The following DGKB variants were observed in gnomAD, a reference collection of about 807,000 sequenced individuals.
DGKB encodes 90 kDa diacylglycerol kinase.
DGKB carries 67 observed loss-of-function variants against 114.3 expected under a neutral mutation model. That is an observed-to-expected ratio of 0.59 (90% confidence interval 0.48 to 0.72). DGKB has a LOEUF of 0.72. DGKB is among the 30% of genes least tolerant of loss of function. The pLI, the probability that DGKB is intolerant of heterozygous loss-of-function variation, is 0.00. For missense variants in DGKB, 907 were observed against 975.2 expected, an observed-to-expected ratio of 0.93 and a Z score of 0.93; for synonymous variants, 398 against 323.1, an observed-to-expected ratio of 1.23 and a Z score of -2.49.
chr7:14,392,995 G>GTTTTTTTGTTTTTGTTTTTTTTT (rs1554404750), intron 21 of DGKB, among the ~76,000 whole-genome samples: 1 of 60,546 alleles, frequency 1.7e-5, no homozygotes, highest in Non-Finnish European at 3.4e-5. Flanking sequence ...TTTTGTTTTT[G>GTTTTTTTGTTTTTGTTTTTTTTT]TTTTTTTTTT....
At chr7:14,637,184 C>T (rs1027268782) in intron 13 of DGKB, among the ~76,000 whole-genome samples, 1 of 151,838 alleles carries the variant, frequency 6.6e-6, no homozygotes, top group African/African-American at 2.4e-5. Flanking sequence ...CAGCATTAGT[C>T]AGAAACAATG....
In DGKB at chr7:14,585,351, A is replaced by G. The variant is rs555573208; in HGVS notation, c.1434-2214T>C. 1.2e-3 allele frequency among the ~76,000 whole-genome samples: 186 copies of G among 152,256 alleles called. 1 individual carries two copies. The highest frequency in any genetic ancestry group is 2.1e-3 in the South Asian group (10 of 4,832). On this transcript the variant is annotated intron_variant, in intron 17 of 25. Transcript: ENST00000402815. Reference sequence around the variant, plus strand: ...TTTCTCTGTTTTCTTTCCCTATAGCACTGCCCTTTCTAATTTACAAAGGTG... The same window carrying G: ...TTTCTCTGTTTTCTTTCCCTATAGCGCTGCCCTTTCTAATTTACAAAGGTG...
At position 14,227,371 on chromosome 7, in the gene DGKB, T is replaced by C. The variant is rs1302683679; in HGVS notation, c.2123-49220A>G. Among the ~76,000 whole-genome samples, 3 of 152,044 alleles carry C rather than the reference T, an allele frequency of 2.0e-5. 1 individual carries two copies. The East Asian group carries it at 5.8e-4, about 29-fold the overall frequency. ...ATGACTATAGTGGCTAATGTTTGAA[T>C]TGCAAAACATTTCCTAAATATGCAA... On this transcript the variant is annotated intron_variant, in intron 23 of 25. Transcript: ENST00000402815.
At chr7:14,826,181 C>A (rs138588377) in intron 2 of DGKB, among the ~76,000 whole-genome samples, 1 of 152,234 alleles carries the variant, frequency 6.6e-6, no homozygotes, top group Non-Finnish European at 1.5e-5. Context: ...CTTACTAACA[C>A]CTGGAAATGG....
intron 23 of DGKB, among the ~76,000 whole-genome samples, chr7:14,263,576 T>C (rs1797072274): frequency 6.6e-6 from 1 of 152,168 alleles, no homozygotes; most frequent in African/African-American, 2.4e-5. Flanking sequence ...AGTTCAGATA[T>C]TACCTTTTCC....
At chr7:14,368,691 GGA>G (rs1817119846) in intron 21 of DGKB, among the ~76,000 whole-genome samples, 3 of 151,968 alleles carry the variant, frequency 2.0e-5, no homozygotes, top group Middle Eastern at 3.4e-3. Context: ...AATACATGTG[GGA>G]GAGAGAGAAA....
chr7:14,600,125 G>T (rs1803281068), intron 17 of DGKB, among the ~76,000 whole-genome samples: 1 of 152,122 alleles, frequency 6.6e-6, no homozygotes, highest in African/African-American at 2.4e-5. Context: ...CTGCTTCAAG[G>T]ATGGCACGTT....
chr7:14,845,100 C>T (rs1401503026), intron 1 of DGKB, among the ~76,000 whole-genome samples: 1 of 108,836 alleles, frequency 9.2e-6, no homozygotes, highest in Non-Finnish European at 1.7e-5. Context: ...GAGCAAGGCC[C>T]TGTGTCAAAA....
chr7:14,794,228 T>C (rs1047728287), intron 2 of DGKB, among the ~76,000 whole-genome samples: 2 of 152,130 alleles, frequency 1.3e-5, no homozygotes, highest in African/African-American at 4.8e-5. Flanking sequence ...TAAAGATAAG[T>C]TTTCAAAATT....
intron 23 of DGKB, among the ~76,000 whole-genome samples, chr7:14,320,260 T>G (rs1369417591): frequency 1.3e-5 from 2 of 152,170 alleles, no homozygotes; most frequent in Non-Finnish European, 2.9e-5. Context: ...ACTTCTATCT[T>G]ACAATGAATT....
intron 21 of DGKB, among the ~76,000 whole-genome samples, chr7:14,422,887 C>T (rs894970206): frequency 3.9e-5 from 6 of 151,992 alleles, no homozygotes; most frequent in Middle Eastern, 3.4e-3. Context: ...CACTGGTATG[C>T]GGTTAAGTTC....
intron 23 of DGKB, among the ~76,000 whole-genome samples, chr7:14,215,703 T>C (rs917245021): frequency 1.3e-5 from 2 of 152,100 alleles, no homozygotes; most frequent in East Asian, 3.9e-4. Flanking sequence ...AGGTAGGATT[T>C]GCCATCAGCC....
At chr7:14,722,997 C>CTTTA (rs61621101) in intron 5 of DGKB, among the ~76,000 whole-genome samples, 59,463 of 147,880 alleles carry the variant, frequency 0.4, 13,337 homozygotes, top group East Asian at 0.87. Flanking sequence ...CTACTCTACC[C>CTTTA]TTTATTTATT....
intron 1 of DGKB, among the ~76,000 whole-genome samples, chr7:14,915,981 A>G (rs1784219878): frequency 6.6e-6 from 1 of 152,128 alleles, no homozygotes; most frequent in Non-Finnish European, 1.5e-5. Context: ...ACTATTCAAC[A>G]TAATAAGAAT....
At chr7:14,441,469 A>G (rs895010577) in intron 21 of DGKB, among the ~76,000 whole-genome samples, 1 of 152,176 alleles carries the variant, frequency 6.6e-6, no homozygotes, top group African/African-American at 2.4e-5. Context: ...TTGATGCACA[A>G]TTATCAATTT....
intron 13 of DGKB, among the ~76,000 whole-genome samples, chr7:14,642,019 T>G (rs559487820): frequency 1.3e-5 from 2 of 152,224 alleles, no homozygotes; most frequent in East Asian, 3.9e-4. Context: ...CTGTTTTGCT[T>G]AGGGATAGCA....
At chr7:14,365,854 A>T (rs1053477247) in intron 21 of DGKB, among the ~76,000 whole-genome samples, 1 of 152,106 alleles carries the variant, frequency 6.6e-6, no homozygotes, top group African/African-American at 2.4e-5. Flanking sequence ...TATAAATTGT[A>T]TTAGGTAAAT....
chr7:14,907,903 C>T (rs1278906953), upstream of DGKB, among the ~76,000 whole-genome samples: 7 of 152,128 alleles, frequency 4.6e-5, no homozygotes, highest in Non-Finnish European at 7.4e-5. Context: ...GTGTGAAGTC[C>T]TAAGCTGGAC....
At chr7:14,152,666 C>T (rs1782395412) in intron 25 of DGKB, among the ~76,000 whole-genome samples, 1 of 152,014 alleles carries the variant, frequency 6.6e-6, no homozygotes, top group Non-Finnish European at 1.5e-5. Context: ...AATGTGGGTT[C>T]AGTTTCACTT....
Sources: allele counts gnomAD v4.1 joint callset (sites outside exome capture counted in the v4.1 genomes callset), GRCh38; gene constraint gnomAD v4.1.1; transcripts MANE v1.5; gene names NCBI Gene and HGNC (gene_info 2026-07-23, HGNC 2026-07-21).